ARMC2: variants seen among roughly 807,000 people sequenced by gnomAD.
ARMC2 encodes the protein armadillo repeat containing 2.
ARMC2 carries 67 observed loss-of-function variants against 90.3 expected under a neutral mutation model. That is an observed-to-expected ratio of 0.74 (90% CI 0.61 to 0.91). The LOEUF (loss-of-function observed/expected upper bound fraction) is 0.91, where lower values mean the gene tolerates loss of function less well. ARMC2 is among the 40% of genes least tolerant of loss of function. ARMC2 has a pLI of 0.00. For missense variants in ARMC2, 920 were observed against 1,030.9 expected (o/e 0.89, Z 1.47); for synonymous variants, 393 against 393.0 (o/e 1.00, Z 0.00).
chr6:108,957,435 G>C (rs1331151710), intron 13 of ARMC2, among the ~76,000 whole-genome samples: 2 of 152,210 alleles, frequency 1.3e-5, no homozygotes, highest in Non-Finnish European at 2.9e-5. Flanking sequence ...GCAGCTTAGA[G>C]CAACGCAGGG....
chr6:108,875,379 T>C lies in ARMC2; in HGVS notation c.464-764T>C, dbSNP rs147096439. Among the ~76,000 whole-genome samples, 636 of 152,220 alleles carry C rather than the reference T, an allele frequency of 4.2e-3. 3 individuals are homozygous for C. The highest frequency in any genetic ancestry group is 0.014 in the African/African-American group (596 of 41,520). ...CCCTCTAATCACCTCTCCTCCTCTT[T>C]GCCTCCTTGCACACTGCATTCCTGC... On this transcript the variant is annotated intron_variant, in intron 4 of 17. Transcript: ENST00000392644.
chr6:108,965,652 T>C (rs1229681521), intron 17 of ARMC2, among the ~76,000 whole-genome samples: 1 of 152,056 alleles, frequency 6.6e-6, no homozygotes, highest in African/African-American at 2.4e-5. Context: ...AGATTGTTTC[T>C]TTCTTTTCTT....
chr6:108,881,534 G>A (rs2128444468), intron 5 of ARMC2, among the ~76,000 whole-genome samples: 1 of 152,260 alleles, frequency 6.6e-6, no homozygotes, highest in Non-Finnish European at 1.5e-5. Context: ...TCAGAAAGAT[G>A]TACTCAATAT....
At chr6:109,008,888 T>C in the ARMC2 span, 3 of 986,326 alleles carry the variant, frequency 3.0e-6, no homozygotes, top group Non-Finnish European at 3.6e-6. Flanking sequence ...TTTTTTTTCT[T>C]TCTCTCTCTT....
At chr6:109,004,659 T>C in the ARMC2 span, among the ~76,000 whole-genome samples, 14 of 152,304 alleles carry the variant, frequency 9.2e-5, no homozygotes, top group African/African-American at 3.1e-4. Context: ...CTCAATCTCC[T>C]GACCTCGTGA....
At chr6:108,991,486 C>T in the ARMC2 span, among the ~76,000 whole-genome samples, 14,960 of 152,134 alleles carry the variant, frequency 0.098, 898 homozygotes, top group Middle Eastern at 0.19. Flanking sequence ...CAGTGATTTT[C>T]CCATCTTGGT....
At chr6:108,984,320 T>A in the ARMC2 span, among the ~76,000 whole-genome samples, 1 of 152,118 alleles carries the variant, frequency 6.6e-6, no homozygotes, top group African/African-American at 2.4e-5. Flanking sequence ...AATTTATAGA[T>A]AACAGAAATT....
chr6:109,037,136 A>G, the ARMC2 span, among the ~76,000 whole-genome samples: 20 of 152,232 alleles, frequency 1.3e-4, no homozygotes, highest in Non-Finnish European at 1.8e-4. Context: ...CCAATGGGCC[A>G]TAAGTCCAGA....
At chr6:108,960,431 A>T (rs1407193958) in intron 13 of ARMC2, among the ~76,000 whole-genome samples, 1 of 152,062 alleles carries the variant, frequency 6.6e-6, no homozygotes, top group East Asian at 1.9e-4. Context: ...GACAAAAACC[A>T]CTAAGGGCCT....
At chr6:108,919,560 T>C (rs1158298280) in intron 10 of ARMC2, among the ~76,000 whole-genome samples, 1 of 152,176 alleles carries the variant, frequency 6.6e-6, no homozygotes, top group Non-Finnish European at 1.5e-5. Context: ...ATTTAAAGCA[T>C]TTATTTTGAA....
chr6:108,851,444 TA>T (rs750956087), intron 1 of ARMC2, among the ~76,000 whole-genome samples: 21 of 152,342 alleles, frequency 1.4e-4, no homozygotes, highest in Admixed American at 4.6e-4. Flanking sequence ...CATTTGAGTA[TA>T]AGCAGGGTAA....
the ARMC2 span, among the ~76,000 whole-genome samples, chr6:109,031,267 A>C: frequency 6.6e-6 from 1 of 152,178 alleles, no homozygotes; most frequent in African/African-American, 2.4e-5. Flanking sequence ...TAGATACTGC[A>C]GGGGGTAATA....
intron 10 of ARMC2, among the ~76,000 whole-genome samples, chr6:108,913,732 GT>G (rs1773664593): frequency 6.6e-6 from 1 of 151,908 alleles, no homozygotes; most frequent in African/African-American, 2.4e-5. Flanking sequence ...TAAATAACCC[GT>G]TACTTTTAAT....
At chr6:108,989,206 T>G in the ARMC2 span, among the ~76,000 whole-genome samples, 1 of 152,102 alleles carries the variant, frequency 6.6e-6, no homozygotes, top group East Asian at 1.9e-4. Flanking sequence ...TATCACCATA[T>G]TGGCCAGGCT....
chr6:108,928,733 A>G (rs1775295990), intron 11 of ARMC2, among the ~76,000 whole-genome samples: 1 of 152,166 alleles, frequency 6.6e-6, no homozygotes, highest in African/African-American at 2.4e-5. Context: ...AATAATGATC[A>G]TTTGAATCCA....
chr6:108,965,214 G>C, intron 17 of ARMC2, 74 bp downstream of exon 17: 1 of 1,327,482 alleles, frequency 7.5e-7, no homozygotes, highest in African/African-American at 1.5e-5. Context: ...GACCTGTTCG[G>C]ATAAATATTA....
the ARMC2 span, among the ~76,000 whole-genome samples, chr6:109,033,785 C>T: frequency 1.3e-5 from 2 of 152,124 alleles, no homozygotes; most frequent in South Asian, 4.1e-4. Context: ...GCCATCTGGA[C>T]AGAAGAAATA....
intron 12 of ARMC2, among the ~76,000 whole-genome samples, chr6:108,952,538 C>T (rs1258875688): frequency 4.1e-5 from 6 of 146,054 alleles, no homozygotes; most frequent in South Asian, 4.5e-4. Context: ...TGCTGCCAAA[C>T]GCTCTACAAT....
chr6:108,951,731 C>A (rs1180170326), intron 12 of ARMC2, among the ~76,000 whole-genome samples: 23 of 152,254 alleles, frequency 1.5e-4, no homozygotes, highest in Admixed American at 1.5e-3. Flanking sequence ...GGCGTCGCAC[C>A]TGGACATGCG....
Sources: gnomAD v4.1 joint callset for allele counts (sites outside exome capture counted in the v4.1 genomes callset) on GRCh38, gnomAD v4.1.1 for gene constraint, MANE v1.5 for transcripts, NCBI Gene and HGNC (gene_info 2026-07-23, HGNC 2026-07-21) for gene names.